Variants in FAM98A observed in about 807,000 individuals in gnomAD.
FAM98A encodes protein FAM98A.
A neutral mutation model predicts 62.9 loss-of-function variants in FAM98A; 25 were observed. The observed-to-expected ratio is 0.40, with a 90% CI of 0.29 to 0.56. The LOEUF (loss-of-function observed/expected upper bound fraction) is 0.56, where lower values mean the gene tolerates loss of function less well. Ranked by LOEUF, FAM98A falls within the 20% of genes least tolerant of loss-of-function variation. The pLI, the probability that FAM98A is intolerant of heterozygous loss-of-function variation, is 0.51. For synonymous variants in FAM98A, 252 were observed against 228.6 expected (o/e 1.10, Z -0.92); for missense variants, 653 against 640.7 (o/e 1.02, Z -0.21).
In FAM98A at chr2:33,584,721, T is replaced by A; in HGVS notation, c.*55A>T. On this transcript the variant is annotated 3_prime_UTR_variant, in exon 8 of 8. Coordinates refer to ENST00000238823, the MANE Select transcript of FAM98A (RefSeq NM_015475.5). The stretch of plus-strand genomic sequence containing the variant: ...TCAAAATAGGTGCTGAATTCAGGAT[T>A]CTGAAACTAAGTTTCTATTACTTGA... 6.8e-7 allele frequency: 1 copy of A among 1,464,928 alleles called. No individual in the cohort carries two copies. Among genetic ancestry groups the A allele is most frequent in the Admixed American group, 2.1e-5 (1 of 47,558 alleles). 90.7% of individuals were successfully genotyped at this position (1,464,928 alleles called of 1,614,324 possible).
intron 1 of FAM98A, among the ~76,000 whole-genome samples, chr2:33,598,393 G>C (rs1261905680): frequency 1.3e-5 from 2 of 152,182 alleles, no homozygotes; most frequent in Non-Finnish European, 1.5e-5. Context: ...GTTTAATAGA[G>C]TACACTGATC....
rs181897533 is a variant in FAM98A, at chr2:33,588,412, T to C, written c.445A>G (p.Ile149Val). 3.7e-5 allele frequency: 59 copies of C among 1,613,650 alleles called. No individual in the cohort carries two copies. In the East Asian group the frequency reaches 9.6e-4, roughly 26 times the overall value. The change falls in exon 4 of 8, where the codon ATA becomes GTA. Residue 149 changes from isoleucine to valine, a missense_variant. Ile to Val is a conservative substitution (Grantham distance 29). Transcript: ENST00000238823. ...GSEVFQELKG[I>V]CIALGMSKPP... ...TTGGACATTCCTAGAGCAATACATA[T>C]GCCTTTCAACTCTTGAAAGACCTCA...
chr2:33,596,657 C>T (rs1169992831), intron 1 of FAM98A, among the ~76,000 whole-genome samples: 3 of 151,978 alleles, frequency 2.0e-5, no homozygotes, highest in South Asian at 2.1e-4. Context: ...TTTGGGAGGC[C>T]GAGGCAGGTG....
chr2:33,584,501 A>C lies in FAM98A; in HGVS notation c.*275T>G. ...AAAGTTTGCATGTTCTGACTGTGGA[A>C]TTAGTCTACTGGGCAATTAAAGGCA... On this transcript the variant is annotated 3_prime_UTR_variant, in exon 8 of 8. Transcript: ENST00000238823. 2.5e-6 allele frequency: 1 copy of C among 394,250 alleles called. No homozygotes were observed. Among genetic ancestry groups the C allele is most frequent in the South Asian group, 8.5e-5 (1 of 11,724 alleles). The allele number at this position is 394,250 out of a possible 1,614,324, so 24.4% of individuals were successfully genotyped here. A position where few individuals can be genotyped will look rare whatever the true frequency, so the allele number is the denominator to read the frequency against.
At chr2:33,595,274 C>A (rs1435679590) in intron 2 of FAM98A, among the ~76,000 whole-genome samples, 1 of 152,118 alleles carries the variant, frequency 6.6e-6, no homozygotes, top group Non-Finnish European at 1.5e-5. Context: ...GTCTTTTCAG[C>A]ATCCACGAAT....
At chr2:33,586,728 C>T (rs138180530) in intron 5 of FAM98A, 50 bp from the exon 6 acceptor site, 3 of 1,286,444 alleles carry the variant, frequency 2.3e-6, no homozygotes, top group Non-Finnish European at 3.4e-6. Flanking sequence ...GCTTGATTCT[C>T]TGTCCCAAAA....
chr2:33,598,517 C>T (rs571301113), intron 1 of FAM98A, among the ~76,000 whole-genome samples: 37 of 152,302 alleles, frequency 2.4e-4, no homozygotes, highest in African/African-American at 7.7e-4. Context: ...TACGCAGGTT[C>T]TTCGTGGGTG....
rs369530444 is a variant in FAM98A, at chr2:33,585,682, A to G, written c.736T>C (p.Leu246=). ...SDRAKSQTEK[L]AKVYQPKRSV... ...CGTTTCGGCTGGTAAACCTTGGCTA[A>G]TTTTTCTGTCTGGCTCTGTTGAAAG... Residue 246 remains leucine, a synonymous_variant, in exon 7 of 8, where the codon TTA becomes CTA. Transcript: ENST00000238823. 1.2e-6 allele frequency: 2 copies of G among 1,613,346 alleles called. No homozygotes were observed. Among genetic ancestry groups the G allele is most frequent in the Non-Finnish European group, 1.7e-6 (2 of 1,179,718 alleles).
chr2:33,592,849 A>C (rs1677704444), intron 2 of FAM98A, among the ~76,000 whole-genome samples: 1 of 152,070 alleles, frequency 6.6e-6, no homozygotes, highest in Non-Finnish European at 1.5e-5. Context: ...CATTCCCTCC[A>C]CAAATATTTC....
rs751373554 is a variant in FAM98A, at chr2:33,586,589, T to C, written c.693A>G (p.Gln231=). 6.8e-6 allele frequency: 11 copies of C among 1,611,992 alleles called. No individual in the cohort carries two copies. The highest frequency in any genetic ancestry group is 9.3e-6 in the Non-Finnish European group (11 of 1,178,164). ...TAGCTCTGTCAGACCAGCCAAAGGATTGTACAGTGACATCCAAACGTTTTA... is the reference window on the plus strand; with the variant it reads ...TAGCTCTGTCAGACCAGCCAAAGGACTGTACAGTGACATCCAAACGTTTTA... ...LLIKRLDVTV[Q]SFGWSDRAKS... is the part of the protein sequence containing the mutation. Residue 231 remains glutamine (Q), a synonymous_variant, in exon 6 of 8, where the codon CAA becomes CAG. Coordinates refer to ENST00000238823, the MANE Select transcript of FAM98A (RefSeq NM_015475.5).
In FAM98A at chr2:33,583,838, C is replaced by T. The variant is rs1349976104; in HGVS notation, c.*938G>A. ...TCAGCCAGGCTTTTGTTTTCTGCAG[C>T]AATAATAAAGGGCCTCCTGCACTTA... On this transcript the variant is annotated 3_prime_UTR_variant, in exon 8 of 8. Transcript: ENST00000238823. The T allele has an allele frequency of 6.6e-6, 1 of 152,584 alleles. No individual in the cohort carries two copies. Among genetic ancestry groups the T allele is most frequent in the Non-Finnish European group, 1.5e-5 (1 of 68,030 alleles). The allele number at this position is 152,584 out of a possible 1,614,324, so 9.5% of individuals were successfully genotyped here.
At chr2:33,588,588 A>T in intron 3 of FAM98A, 69 bp from the exon 4 acceptor site, 1 of 1,290,848 alleles carries the variant, frequency 7.7e-7, no homozygotes, top group Non-Finnish European at 1.1e-6. Flanking sequence ...CTGGAGTCAC[A>T]ACTATATAGA....
At chr2:33,594,097 C>A (rs1276398930) in intron 2 of FAM98A, among the ~76,000 whole-genome samples, 1 of 152,140 alleles carries the variant, frequency 6.6e-6, no homozygotes, top group Non-Finnish European at 1.5e-5. Flanking sequence ...AAAGGTATAA[C>A]AGTAATAAAA....
intron 1 of FAM98A, 32 bp downstream of exon 1, chr2:33,599,137 G>C: frequency 6.2e-7 from 1 of 1,600,036 alleles, no homozygotes; most frequent in South Asian, 1.1e-5. Flanking sequence ...GGCAGCGTGG[G>C]GCTTGGGAGA....
intron 3 of FAM98A, chr2:33,589,542 A>G (rs866788690): frequency 1.3e-5 from 2 of 152,192 alleles, no homozygotes; most frequent in South Asian, 4.1e-4. Flanking sequence ...ATGTAATGCT[A>G]GAAGGACAGA....
intron 4 of FAM98A, 70 bp downstream of exon 4, chr2:33,588,265 A>T: frequency 8.5e-7 from 1 of 1,183,042 alleles, no homozygotes; most frequent in Non-Finnish European, 1.2e-6. Context: ...AAATTAAATT[A>T]ATTGCTTCAT....
rs1227608294 is a variant in FAM98A, at chr2:33,584,041, G to GT, written c.*734dup. On this transcript the variant is annotated 3_prime_UTR_variant, in exon 8 of 8. Coordinates refer to ENST00000238823, the MANE Select transcript of FAM98A (RefSeq NM_015475.5). ...AAAAATAAGGTTGAAGGAGGAATTT[G>GT]TTTTGGATGGATGCAGGTCAGTTTG... is the stretch of plus-strand genomic sequence containing the variant. The GT allele has an allele frequency of 6.6e-6, 1 of 152,656 alleles. No individual in the cohort carries two copies. The highest frequency in any genetic ancestry group is 1.5e-5 in the Non-Finnish European group (1 of 68,034). The allele number at this position is 152,656 out of a possible 1,614,324, so 9.5% of individuals were successfully genotyped here.
At position 33,594,727 on chromosome 2, in the gene FAM98A, T is replaced by C. The variant is rs779253745; in HGVS notation, c.202+762A>G. ...TATATACACACACACACACACACAC[T>C]AGCATGCAAGAAGGTGAGCTCTTCA... On this transcript the variant is annotated intron_variant, in intron 2 of 7. Transcript: ENST00000238823. Among the ~76,000 whole-genome samples the C allele has an allele frequency of 1.4e-5, 2 of 143,426 alleles. 1 individual carries two copies. The highest frequency in any genetic ancestry group is 5.2e-5 in the African/African-American group (2 of 38,422). The allele number at this position is 143,426 out of a possible 152,430, so 94.1% of individuals were successfully genotyped here. A position where few individuals can be genotyped will look rare whatever the true frequency, so the allele number is the denominator to read the frequency against.
chr2:33,586,553 A>G lies in FAM98A; in HGVS notation c.720+9T>C. On this transcript the variant is annotated intron_variant, in intron 6 of 7. Coordinates refer to ENST00000238823, the MANE Select transcript of FAM98A (RefSeq NM_015475.5). ...AATAGTCTGCTCTTTTAAATTATTT[A>G]ATGTGTACCTTAGCTCTGTCAGACC... is the stretch of plus-strand genomic sequence containing the variant. 1 of 1,523,254 alleles carries G rather than the reference A, an allele frequency of 6.6e-7. No homozygotes were observed. The highest frequency in any genetic ancestry group is 9.1e-7 in the Non-Finnish European group (1 of 1,097,710). The allele number at this position is 1,523,254 out of a possible 1,614,324, so 94.4% of individuals were successfully genotyped here.
Sources: gnomAD v4.1 joint callset for allele counts (sites outside exome capture counted in the v4.1 genomes callset) on GRCh38, gnomAD v4.1.1 for gene constraint, MANE v1.5 for transcripts, NCBI Gene and HGNC (gene_info 2026-07-23, HGNC 2026-07-21) for gene names.